FUCA2: variants seen among roughly 807,000 people sequenced by gnomAD.
FUCA2 encodes the protein alpha-L-fucosidase 2.
FUCA2 carries 41 observed loss-of-function variants against 52.6 expected under a neutral mutation model. The observed-to-expected ratio is 0.78, with a 90% CI of 0.61 to 1.01. FUCA2 has a LOEUF of 1.01. Ranked by LOEUF, FUCA2 falls within the 50% of genes least tolerant of loss-of-function variation. The pLI, the probability that FUCA2 is intolerant of heterozygous loss-of-function variation, is 0.00. For missense variants in FUCA2, 507 were observed against 569.5 expected, an observed-to-expected ratio of 0.89 and a Z score of 1.12; for synonymous variants, 211 against 217.3, an observed-to-expected ratio of 0.97 and a Z score of 0.26.
chr6:143,495,989 C>T lies in FUCA2; in HGVS notation c.1264-142G>A, dbSNP rs1226789461. 1.3e-6 allele frequency: 1 copy of T among 752,108 alleles called. No individual in the cohort carries two copies. Among genetic ancestry groups the T allele is most frequent in the Admixed American group, 2.6e-5 (1 of 37,978 alleles). The allele number at this position is 752,108 out of a possible 1,614,324, so 46.6% of individuals were successfully genotyped here. ...TTACCTTTATTTAGTGATTCACAAT[C>T]ACTCTTCATCCAATTGAGTGTATGT... On this transcript the variant is annotated intron_variant, in intron 6 of 6. Transcript: ENST00000002165. The surrounding 1 kb of genome is among the most constrained non-coding windows in gnomAD (Gnocchi z 5.2).
At position 143,509,288 on chromosome 6, in the gene FUCA2, G is replaced by A. The variant is rs1780653618; in HGVS notation, c.225-1864C>T. 6.6e-6 allele frequency among the ~76,000 whole-genome samples: 1 copy of A among 152,194 alleles called. No individual in the cohort carries two copies. The highest frequency in any genetic ancestry group is 6.5e-5 in the Admixed American group (1 of 15,284). On this transcript the variant is annotated intron_variant, in intron 1 of 6. Coordinates refer to ENST00000002165, the MANE Select transcript of FUCA2 (RefSeq NM_032020.5). This position sits in a 1 kb window ranked among gnomAD's most constrained non-coding sequence, Gnocchi z 5.4. ...TGATTCCCCGAAAGTCAAATTGAGAGTGAGGAGCAGAGGATACAAAGGGAA... is the reference window on the plus strand; with the variant it reads ...TGATTCCCCGAAAGTCAAATTGAGAATGAGGAGCAGAGGATACAAAGGGAA...
At position 143,497,370 on chromosome 6, in the gene FUCA2, A is replaced by C; in HGVS notation, c.1263+19T>G. On this transcript the variant is annotated intron_variant, in intron 6 of 6. Transcript: ENST00000002165. The surrounding 1 kb of genome is among the most constrained non-coding windows in gnomAD (Gnocchi z 5.3). ...TTCTAATCAGCAATTTAAAGGAATA[A>C]GGTAAAATTCCCTCTTACCTCTGTT... The C allele has an allele frequency of 6.8e-7, 1 of 1,479,398 alleles. No individual in the cohort carries two copies. The highest frequency in any genetic ancestry group is 9.5e-7 in the Non-Finnish European group (1 of 1,057,172). 91.6% of individuals were successfully genotyped at this position (1,479,398 alleles called of 1,614,324 possible).
In FUCA2 at chr6:143,511,460, T is replaced by C. The variant is rs777126432; in HGVS notation, c.175A>G (p.Ile59Val). 6.2e-7 allele frequency: 1 copy of C among 1,610,862 alleles called. No homozygotes were observed. Among genetic ancestry groups the C allele is most frequent in the Non-Finnish European group, 8.5e-7 (1 of 1,178,578 alleles). The change falls in exon 1 of 7, where the codon ATC becomes GTC. Residue 59 changes from isoleucine (I) to valine (V), a missense_variant. Ile to Val is a conservative substitution (Grantham distance 29). Coordinates refer to ENST00000002165, the MANE Select transcript of FUCA2 (RefSeq NM_032020.5). This position sits in a 1 kb window ranked among gnomAD's most constrained non-coding sequence, Gnocchi z 6.3. ...GGCACGGAAAACACTCCCCAGTGGA[T>C]GAAGATGCCGAACTTGGCCTGGTCA... ...WFDQAKFGIF[I>V]HWGVFSVPSF...
rs1429451074 is a variant in FUCA2, at chr6:143,501,773, TC to T, written c.1154+158del. ...AAATGTTTCAAAACATGCAAATTCT[TC>T]CCCTTCTCTTTATATTAGAGTAAGC... On this transcript the variant is annotated intron_variant, in intron 5 of 6. Transcript: ENST00000002165. This position sits in a 1 kb window ranked among gnomAD's most constrained non-coding sequence, Gnocchi z 6.1. Among the ~76,000 whole-genome samples the T allele has an allele frequency of 6.6e-6, 1 of 152,254 alleles. No individual in the cohort carries two copies. Among genetic ancestry groups the T allele is most frequent in the African/African-American group, 2.4e-5 (1 of 41,464 alleles).
Position 143,495,926 on chromosome 6 carries a change from T to C in FUCA2, c.1264-79A>G, listed in dbSNP as rs1780453237. ...CCACTTTCTATTGGGAAGGAGTGAT[T>C]AGTAGTTCAAACAAAATTGTAGACA... is the stretch of plus-strand genomic sequence containing the variant. On this transcript the variant is annotated intron_variant, in intron 6 of 6. Coordinates refer to ENST00000002165, the MANE Select transcript of FUCA2 (RefSeq NM_032020.5). This position sits in a 1 kb window ranked among gnomAD's most constrained non-coding sequence, Gnocchi z 5.2. The C allele has an allele frequency of 6.8e-7, 1 of 1,473,776 alleles. No individual in the cohort carries two copies. The highest frequency in any genetic ancestry group is 9.3e-7 in the Non-Finnish European group (1 of 1,078,252). The allele number at this position is 1,473,776 out of a possible 1,614,324, so 91.3% of individuals were successfully genotyped here.
At position 143,510,727 on chromosome 6, in the gene FUCA2, AT is replaced by A. The variant is rs200430408; in HGVS notation, c.224+683del. ...TTTTGAAGGACTTAATACTTGTAGC[AT>A]TTAGTCAGAAAAGACATGTGCAACA... On this transcript the variant is annotated intron_variant, in intron 1 of 6. Coordinates refer to ENST00000002165, the MANE Select transcript of FUCA2 (RefSeq NM_032020.5). The surrounding 1 kb of genome is among the most constrained non-coding windows in gnomAD (Gnocchi z 4.4). 0.021 allele frequency among the ~76,000 whole-genome samples: 3,200 copies of A among 152,246 alleles called. 110 individuals are homozygous for A. The highest frequency in any genetic ancestry group is 0.073 in the African/African-American group (3,050 of 41,522).
In FUCA2 at chr6:143,497,980, A is replaced by G. The variant is rs1780482346; in HGVS notation, c.1155-483T>C. ...GAGTGGGGAAAGCAGACACTAAACAATCACACAAATAATATGAAAGTGTGA... is the reference window on the plus strand; with the variant it reads ...GAGTGGGGAAAGCAGACACTAAACAGTCACACAAATAATATGAAAGTGTGA... On this transcript the variant is annotated intron_variant, in intron 5 of 6. Transcript: ENST00000002165. The surrounding 1 kb of genome is among the most constrained non-coding windows in gnomAD (Gnocchi z 5.3). Among the ~76,000 whole-genome samples the G allele has an allele frequency of 1.3e-5, 2 of 152,192 alleles. No individual in the cohort carries two copies. Among genetic ancestry groups the G allele is most frequent in the South Asian group, 2.1e-4 (1 of 4,836 alleles).
At position 143,503,981 on chromosome 6, in the gene FUCA2, A is replaced by T; in HGVS notation, c.684T>A (p.Asp228Glu). Residue 228 changes from aspartate (D) to glutamate (E), a missense_variant, in exon 3 of 7, where the codon GAT becomes GAA. Physicochemically the swap from Asp to Glu is conservative, Grantham distance 45. Transcript: ENST00000002165. This position sits in a 1 kb window ranked among gnomAD's most constrained non-coding sequence, Gnocchi z 4.8. Reference protein sequence around the residue: ...NNYQPEVLWSDGDGGAPDQYW... With the variant: ...NNYQPEVLWSEGDGGAPDQYW... ...ATTGATCCGGTGCTCCTCCGTCACC[A>T]TCCGACCACAGAACCTCAGGCTGAT... 1 of 1,614,188 alleles carries T rather than the reference A, an allele frequency of 6.2e-7. No homozygotes were observed.
rs949508601 is a variant in FUCA2, at chr6:143,497,609, A to C, written c.1155-112T>G. On this transcript the variant is annotated intron_variant, in intron 5 of 6. Coordinates refer to ENST00000002165, the MANE Select transcript of FUCA2 (RefSeq NM_032020.5). The surrounding 1 kb of genome is among the most constrained non-coding windows in gnomAD (Gnocchi z 5.3). The stretch of plus-strand genomic sequence containing the variant: ...ATTTTACAGATACTTCCACAATGTC[A>C]CCACTAATAGAAGGGAAGGAAAAAT... 7.8e-5 allele frequency: 47 copies of C among 602,258 alleles called. No homozygotes were observed. The highest frequency in any genetic ancestry group is 1.3e-4 in the Non-Finnish European group (44 of 345,184). The allele number at this position is 602,258 out of a possible 1,614,324, so 37.3% of individuals were successfully genotyped here. A position where few individuals can be genotyped will look rare whatever the true frequency, so the allele number is the denominator to read the frequency against.
Position 143,501,214 on chromosome 6 carries a change from T to C in FUCA2, c.1154+718A>G, listed in dbSNP as rs1780521983. 6.6e-6 allele frequency among the ~76,000 whole-genome samples: 1 copy of C among 152,214 alleles called. No individual in the cohort carries two copies. Among genetic ancestry groups the C allele is most frequent in the Non-Finnish European group, 1.5e-5 (1 of 68,042 alleles). On this transcript the variant is annotated intron_variant, in intron 5 of 6. Coordinates refer to ENST00000002165, the MANE Select transcript of FUCA2 (RefSeq NM_032020.5). This position sits in a 1 kb window ranked among gnomAD's most constrained non-coding sequence, Gnocchi z 6.1. ...AATTATTTGCTCTGTCCAGATTGCC[T>C]TACTCCATTTTATTCAATGGGTTGT...
rs1167773281 is a variant in FUCA2, at chr6:143,511,700, C to T, written c.-66G>A. Reference sequence around the variant, plus strand: ...GGCCTCGGGAGCGCTGTTCTTCCGTCTCTGCCGCTGAGTATGCCGCGCCGC... The same window carrying T: ...GGCCTCGGGAGCGCTGTTCTTCCGTTTCTGCCGCTGAGTATGCCGCGCCGC... On this transcript the variant is annotated 5_prime_UTR_variant, in exon 1 of 7. Transcript: ENST00000002165. The surrounding 1 kb of genome is among the most constrained non-coding windows in gnomAD (Gnocchi z 6.3). The T allele has an allele frequency of 5.1e-6, 7 of 1,372,480 alleles. No individual in the cohort carries two copies. In the Admixed American group the frequency reaches 1.2e-4, roughly 23 times the overall value. 85.0% of individuals were successfully genotyped at this position (1,372,480 alleles called of 1,614,324 possible). A position where few individuals can be genotyped will look rare whatever the true frequency, so the allele number is the denominator to read the frequency against.
chr6:143,507,462 T>TC lies in FUCA2; in HGVS notation c.225-39_225-38insG. On this transcript the variant is annotated intron_variant, in intron 1 of 6. Transcript: ENST00000002165. This position sits in a 1 kb window ranked among gnomAD's most constrained non-coding sequence, Gnocchi z 4.5. The stretch of plus-strand genomic sequence containing the variant: ...AAGGAAAGAGTGCATAAACAGCACA[T>TC]ACACACATATTTAAAAGAACTGCTC... 1 of 1,419,144 alleles carries TC rather than the reference T, an allele frequency of 7.0e-7. No homozygotes were observed. The highest frequency in any genetic ancestry group is 9.5e-7 in the Non-Finnish European group (1 of 1,053,740). 87.9% of individuals were successfully genotyped at this position (1,419,144 alleles called of 1,614,324 possible).
chr6:143,508,469 A>G (rs1359720264), intron 1 of FUCA2, among the ~76,000 whole-genome samples: 1 of 152,266 alleles, frequency 6.6e-6, no homozygotes, highest in Non-Finnish European at 1.5e-5. Context: ...CTAAGAAGAA[A>G]TAATTGAAGG....
At position 143,500,182 on chromosome 6, in the gene FUCA2, G is replaced by A. The variant is rs1488228367; in HGVS notation, c.1154+1750C>T. Among the ~76,000 whole-genome samples the A allele has an allele frequency of 6.6e-6, 1 of 152,086 alleles. No individual in the cohort carries two copies. The highest frequency in any genetic ancestry group is 1.5e-5 in the Non-Finnish European group (1 of 68,006). On this transcript the variant is annotated intron_variant, in intron 5 of 6. Transcript: ENST00000002165. This position sits in a 1 kb window ranked among gnomAD's most constrained non-coding sequence, Gnocchi z 6.9. ...CAGAGGGAGCAAGGGTTCAGGAGTTGGGTGTATGCAATAGATTAGTTACAG... is the reference window on the plus strand; with the variant it reads ...CAGAGGGAGCAAGGGTTCAGGAGTTAGGTGTATGCAATAGATTAGTTACAG...
At position 143,507,536 on chromosome 6, in the gene FUCA2, T is replaced by C. The variant is rs1017680547; in HGVS notation, c.225-112A>G. The C allele has an allele frequency of 2.7e-6, 2 of 734,584 alleles. No homozygotes were observed. The highest frequency in any genetic ancestry group is 2.1e-5 in the South Asian group (1 of 48,060). The allele number at this position is 734,584 out of a possible 1,614,324, so 45.5% of individuals were successfully genotyped here. On this transcript the variant is annotated intron_variant, in intron 1 of 6. Coordinates refer to ENST00000002165, the MANE Select transcript of FUCA2 (RefSeq NM_032020.5). The surrounding 1 kb of genome is among the most constrained non-coding windows in gnomAD (Gnocchi z 4.5). Reference sequence around the variant, plus strand: ...TCACACAGATAGGACCCAGATTCTCTTTCTCACTTCCCCATTAGTTTGACT... The same window carrying C: ...TCACACAGATAGGACCCAGATTCTCCTTCTCACTTCCCCATTAGTTTGACT...
At position 143,509,468 on chromosome 6, in the gene FUCA2, A is replaced by T. The variant is rs990232575; in HGVS notation, c.224+1943T>A. On this transcript the variant is annotated intron_variant, in intron 1 of 6. Transcript: ENST00000002165. This position sits in a 1 kb window ranked among gnomAD's most constrained non-coding sequence, Gnocchi z 5.4. Reference sequence around the variant, plus strand: ...TAGAAAATGAAGTTATTCATAGCAAAGAATAAAATGACTCAAAACTAGCTG... The same window carrying T: ...TAGAAAATGAAGTTATTCATAGCAATGAATAAAATGACTCAAAACTAGCTG... Among the ~76,000 whole-genome samples the T allele has an allele frequency of 6.6e-6, 1 of 152,266 alleles. No homozygotes were observed. The highest frequency in any genetic ancestry group is 2.4e-5 in the African/African-American group (1 of 41,470).
chr6:143,501,874 T>G lies in FUCA2; in HGVS notation c.1154+58A>C. 1 of 1,442,394 alleles carries G rather than the reference T, an allele frequency of 6.9e-7. No individual in the cohort carries two copies. Among genetic ancestry groups the G allele is most frequent in the East Asian group, 2.3e-5 (1 of 43,868 alleles). 89.3% of individuals were successfully genotyped at this position (1,442,394 alleles called of 1,614,324 possible). A position where few individuals can be genotyped will look rare whatever the true frequency, so the allele number is the denominator to read the frequency against. On this transcript the variant is annotated intron_variant, in intron 5 of 6. Coordinates refer to ENST00000002165, the MANE Select transcript of FUCA2 (RefSeq NM_032020.5). The surrounding 1 kb of genome is among the most constrained non-coding windows in gnomAD (Gnocchi z 6.1). ...TTTATCCTACTCTTCTTTATATGTC[T>G]GATAAATTTTAAATCTCTTCCTTTA...
At position 143,507,766 on chromosome 6, in the gene FUCA2, C is replaced by T. The variant is rs560617384; in HGVS notation, c.225-342G>A. Among the ~76,000 whole-genome samples, 13 of 152,236 alleles carry T rather than the reference C, an allele frequency of 8.5e-5. No homozygotes were observed. Among genetic ancestry groups the T allele is most frequent in the South Asian group, 2.1e-4 (1 of 4,822 alleles). ...TTCACTGCAACCTTGACCTCCTGTG[C>T]TCAAGCAATCCTCTCGCCTTAGCCT... On this transcript the variant is annotated intron_variant, in intron 1 of 6. Transcript: ENST00000002165. This position sits in a 1 kb window ranked among gnomAD's most constrained non-coding sequence, Gnocchi z 4.5.
chr6:143,497,349 AAT>A lies in FUCA2; in HGVS notation c.1263+38_1263+39del, dbSNP rs1262071216. ...GTTAATGTTTGCATCAAGATGTTCTAATCAGCAATTTAAAGGAATAAGGTAAA... is the reference window on the plus strand; with the variant it reads ...GTTAATGTTTGCATCAAGATGTTCTACAGCAATTTAAAGGAATAAGGTAAA... On this transcript the variant is annotated intron_variant, in intron 6 of 6. Transcript: ENST00000002165. This position sits in a 1 kb window ranked among gnomAD's most constrained non-coding sequence, Gnocchi z 5.3. 1 of 1,247,056 alleles carries A rather than the reference AAT, an allele frequency of 8.0e-7. No homozygotes were observed. The highest frequency in any genetic ancestry group is 1.7e-5 in the Admixed American group (1 of 59,404). The allele number at this position is 1,247,056 out of a possible 1,614,324, so 77.2% of individuals were successfully genotyped here. A position where few individuals can be genotyped will look rare whatever the true frequency, so the allele number is the denominator to read the frequency against.
Sources: gnomAD v4.1 joint callset for allele counts (sites outside exome capture counted in the v4.1 genomes callset) on GRCh38, gnomAD v4.1.1 for gene constraint, Gnocchi (gnomAD v3.1) non-coding constraint, MANE v1.5 for transcripts, NCBI Gene and HGNC (gene_info 2026-07-23, HGNC 2026-07-21) for gene names.